Variants in ZBTB16 observed in about 807,000 individuals in gnomAD.
ZBTB16 encodes zinc finger and BTB domain containing 16.
ZBTB16 carries 8 observed loss-of-function variants against 56.8 expected under a neutral mutation model. That is an observed-to-expected ratio of 0.14 (90% CI 0.08 to 0.25). ZBTB16 has a LOEUF of 0.25. Ranked by LOEUF, ZBTB16 falls within the 10% of genes least tolerant of loss-of-function variation. ZBTB16 has a pLI of 1.00. For missense variants in ZBTB16, 625 were observed against 903.0 expected (o/e 0.69, Z 3.95); for synonymous variants, 363 against 368.5 (o/e 0.98, Z 0.17).
At chr11:114,145,829 G>C (rs981316517) in intron 2 of ZBTB16, among the ~76,000 whole-genome samples, 3 of 152,194 alleles carry the variant, frequency 2.0e-5, no homozygotes, top group Admixed American at 6.5e-5. Flanking sequence ...ATTTAGAAAA[G>C]TGTACTGAAT....
chr11:114,071,245 CTT>C (rs200152337), intron 2 of ZBTB16, among the ~76,000 whole-genome samples: 1 of 48,172 alleles, frequency 2.1e-5, no homozygotes, highest in African/African-American at 5.6e-5. Flanking sequence ...TGTGTTCTGA[CTT>C]TTTTTTTTTT....
At chr11:114,088,378 G>A (rs1447415567) in intron 2 of ZBTB16, among the ~76,000 whole-genome samples, 1 of 152,162 alleles carries the variant, frequency 6.6e-6, no homozygotes, top group East Asian at 1.9e-4. Context: ...CTCGCCTCAA[G>A]TGATCTTCCT....
intron 3 of ZBTB16, among the ~76,000 whole-genome samples, chr11:114,186,422 C>T (rs992032976): frequency 2.6e-5 from 4 of 152,152 alleles, no homozygotes; most frequent in Non-Finnish European, 4.4e-5. Context: ...ACCTTGTTCT[C>T]CAGGCACAGG....
intron 4 of ZBTB16, among the ~76,000 whole-genome samples, chr11:114,204,617 C>G (rs1199831189): frequency 6.6e-6 from 1 of 152,104 alleles, no homozygotes; most frequent in East Asian, 1.9e-4. Context: ...TACTTGTGCA[C>G]CAGGGACCAG....
intron 3 of ZBTB16, among the ~76,000 whole-genome samples, chr11:114,164,738 C>G (rs1172827637): frequency 1.3e-5 from 2 of 152,172 alleles, no homozygotes; most frequent in African/African-American, 2.4e-5. Flanking sequence ...GTATCTGTAT[C>G]CAGGGCTGTG....
In ZBTB16 at chr11:114,248,897, A is replaced by G. The variant is rs369342422; in HGVS notation, c.1793-1429A>G. ...TAAATAGCTGGTCGATAGTTAGATC[A>G]CTTTGGCTGTTCATTACTTCATTAT... On this transcript the variant is annotated intron_variant, in intron 6 of 6. Transcript: ENST00000335953. 8.2e-4 allele frequency among the ~76,000 whole-genome samples: 125 copies of G among 152,290 alleles called. 1 individual carries two copies. In the South Asian group the frequency reaches 0.026, roughly 31 times the overall value.
chr11:114,205,197 C>G (rs1215281323), intron 4 of ZBTB16, among the ~76,000 whole-genome samples: 4 of 151,992 alleles, frequency 2.6e-5, no homozygotes, highest in African/African-American at 9.7e-5. Flanking sequence ...ATCACGAGGT[C>G]AGGAGATCGA....
chr11:114,137,200 G>A (rs143281697), intron 2 of ZBTB16, among the ~76,000 whole-genome samples: 11 of 152,230 alleles, frequency 7.2e-5, no homozygotes, highest in Admixed American at 2.0e-4. Flanking sequence ...TCAGGAGACC[G>A]ACCCTTTTCT....
At chr11:114,171,022 G>C (rs776109141) in intron 3 of ZBTB16, among the ~76,000 whole-genome samples, 5 of 152,124 alleles carry the variant, frequency 3.3e-5, no homozygotes, top group African/African-American at 1.2e-4. Flanking sequence ...GAGCACTGCT[G>C]GGGGGCCAGT....
intron 3 of ZBTB16, among the ~76,000 whole-genome samples, chr11:114,167,116 A>T (rs1283366660): frequency 6.6e-6 from 1 of 151,918 alleles, no homozygotes; most frequent in South Asian, 2.1e-4. Context: ...GCTGACTTCC[A>T]CTGGCTTGCG....
At chr11:114,139,023 T>C (rs748032088) in intron 2 of ZBTB16, among the ~76,000 whole-genome samples, 3 of 152,160 alleles carry the variant, frequency 2.0e-5, no homozygotes, top group Non-Finnish European at 1.5e-5. Flanking sequence ...TCCTTACTCA[T>C]TTCCTGCGTC....
rs1944972952 is a variant in ZBTB16 at position 114,254,766 on chromosome 11, T to C, written c.*4211T>C. 6.6e-6 allele frequency among the ~76,000 whole-genome samples: 1 copy of C among 152,188 alleles called. No individual in the cohort carries two copies. The highest frequency in any genetic ancestry group is 6.5e-5 in the Admixed American group (1 of 15,282). ...CCGGCTTGGCTGTAATGGTGGCACT[T>C]ACCTGGATATTTCAGTGGGAGGATG... On this transcript the variant is annotated 3_prime_UTR_variant, in exon 7 of 7. Transcript: ENST00000335953.
intron 4 of ZBTB16, among the ~76,000 whole-genome samples, chr11:114,236,580 C>T (rs1400313242): frequency 6.6e-6 from 1 of 152,188 alleles, no homozygotes; most frequent in Admixed American, 6.5e-5. Context: ...TTACTGATTT[C>T]CAAGGAGAGT....
chr11:114,086,464 T>C (rs1271735651), intron 2 of ZBTB16, among the ~76,000 whole-genome samples: 1 of 152,146 alleles, frequency 6.6e-6, no homozygotes, highest in Non-Finnish European at 1.5e-5. Flanking sequence ...GAGTATAAGC[T>C]CTGCTGCCTC....
intron 2 of ZBTB16, among the ~76,000 whole-genome samples, chr11:114,096,296 G>A (rs144701125): frequency 2.0e-5 from 3 of 152,218 alleles, no homozygotes; most frequent in East Asian, 3.9e-4. Flanking sequence ...ATTAAAATTC[G>A]GAGGTTTTGA....
chr11:114,239,411 T>A (rs1441242096), intron 4 of ZBTB16, among the ~76,000 whole-genome samples: 1 of 151,820 alleles, frequency 6.6e-6, no homozygotes, highest in African/African-American at 2.4e-5. Flanking sequence ...GGGGTGGGGG[T>A]TAAGGGCAGA....
At chr11:114,149,126 G>A (rs1942220759) in intron 2 of ZBTB16, among the ~76,000 whole-genome samples, 2 of 152,068 alleles carry the variant, frequency 1.3e-5, no homozygotes, top group Admixed American at 1.3e-4. Flanking sequence ...TTTCAGTTTT[G>A]TAAACCTGGT....
At chr11:114,113,745 A>T (rs1294083796) in intron 2 of ZBTB16, among the ~76,000 whole-genome samples, 1 of 152,246 alleles carries the variant, frequency 6.6e-6, no homozygotes, top group East Asian at 1.9e-4. Context: ...ACTGCTGTCT[A>T]TTCCTCTTCC....
chr11:114,124,731 G>A (rs1299532622), intron 2 of ZBTB16, among the ~76,000 whole-genome samples: 4 of 152,170 alleles, frequency 2.6e-5, no homozygotes, highest in African/African-American at 9.7e-5. Context: ...GCCAAGTCAG[G>A]CTGATGAAAA....
Sources: gnomAD v4.1 joint callset for allele counts (sites outside exome capture counted in the v4.1 genomes callset) on GRCh38, gnomAD v4.1.1 for gene constraint, MANE v1.5 for transcripts, NCBI Gene and HGNC (gene_info 2026-07-23, HGNC 2026-07-21) for gene names.